The following LETM2 variants were observed in gnomAD, a reference collection of about 807,000 sequenced individuals.
The protein encoded by LETM2 is leucine zipper and EF-hand containing transmembrane protein 2.
LETM2 carries 58 observed loss-of-function variants against 59.6 expected under a neutral mutation model. The observed-to-expected ratio is 0.97, with a 90% CI of 0.79 to 1.21. LETM2 has a LOEUF of 1.21. LETM2 is among the 50% of genes most tolerant of loss of function. The pLI is 0.00. For synonymous variants in LETM2, 199 were observed against 214.1 expected, an observed-to-expected ratio of 0.93 and a Z score of 0.62; for missense variants, 572 against 575.7, an observed-to-expected ratio of 0.99 and a Z score of 0.07.
At chr8:38,391,879 A>G (rs1173476455) in intron 2 of LETM2, among the ~76,000 whole-genome samples, 2 of 151,624 alleles carry the variant, frequency 1.3e-5, no homozygotes, top group Non-Finnish European at 2.9e-5. Flanking sequence ...TTTAGTAGAG[A>G]CAGGGTTTCA....
intron 4 of LETM2, among the ~76,000 whole-genome samples, chr8:38,396,682 A>G (rs576235793): frequency 3.6e-4 from 54 of 152,078 alleles, no homozygotes; most frequent in African/African-American, 1.3e-3. Context: ...AGGTGGGAGG[A>G]TTGTTTAAGC....
chr8:38,398,684 GGATATGGATGAAT>G (rs1260133141), intron 4 of LETM2, among the ~76,000 whole-genome samples: 1 of 151,400 alleles, frequency 6.6e-6, no homozygotes, highest in Non-Finnish European at 1.5e-5. Flanking sequence ...ATGGATGGAA[GGATATGGATGAAT>G]GAAATGGATG....
rs1421523011 is a variant in LETM2 at position 38,395,493 on chromosome 8, G to A, written c.645+1252G>A. On this transcript the variant is annotated intron_variant, in intron 4 of 10. Transcript: ENST00000379957. ...TTTACCATTTGTGTATCTTCTCTGG[G>A]GAGGTGTCTGTTTAGATCTTTGGTT... 2.6e-5 allele frequency among the ~76,000 whole-genome samples: 4 copies of A among 152,182 alleles called. No homozygotes were observed. In the East Asian group the frequency reaches 5.8e-4, roughly 22 times the overall value.
upstream of LETM2, among the ~76,000 whole-genome samples, chr8:38,385,109 T>G (rs1050508072): frequency 1.1e-4 from 17 of 152,238 alleles, no homozygotes; most frequent in African/African-American, 3.9e-4. Flanking sequence ...AGTGAAACCT[T>G]TATGTGCAAA....
Position 38,408,367 on chromosome 8 carries a change from C to G in LETM2, c.*93C>G, listed in dbSNP as rs925773710. ...CCTCCCAGATAAGACTGTCTGGCTT[C>G]AGAGAGCGGATCAGCTGTTTAGCCC... is the stretch of plus-strand genomic sequence containing the variant. On this transcript the variant is annotated 3_prime_UTR_variant, in exon 11 of 11. Coordinates refer to ENST00000379957, the MANE Select transcript of LETM2 (RefSeq NM_001286819.2). The G allele has an allele frequency of 1.8e-6, 2 of 1,110,424 alleles. No individual in the cohort carries two copies. The highest frequency in any genetic ancestry group is 3.1e-5 in the African/African-American group (2 of 64,740). 68.8% of individuals were successfully genotyped at this position (1,110,424 alleles called of 1,614,324 possible). A position where few individuals can be genotyped will look rare whatever the true frequency, so the allele number is the denominator to read the frequency against.
rs746751298 is a variant in LETM2, at chr8:38,387,974, A to G, written c.-10A>G. ...GGTCCCTATGTTAACTACTTGAGAC[A>G]AAAATAAATATGGCCTTCTACAGTT... is the stretch of plus-strand genomic sequence containing the variant. On this transcript the variant is annotated 5_prime_UTR_variant, in exon 2 of 11. Transcript: ENST00000379957. 6.6e-6 allele frequency: 10 copies of G among 1,522,470 alleles called. No homozygotes were observed. The highest frequency in any genetic ancestry group is 8.8e-6 in the Non-Finnish European group (10 of 1,135,550). The allele number at this position is 1,522,470 out of a possible 1,614,324, so 94.3% of individuals were successfully genotyped here. A position where few individuals can be genotyped will look rare whatever the true frequency, so the allele number is the denominator to read the frequency against.
chr8:38,385,825 T>C (rs750664627), upstream of LETM2, among the ~76,000 whole-genome samples: 6 of 152,256 alleles, frequency 3.9e-5, no homozygotes, highest in Non-Finnish European at 5.9e-5. Flanking sequence ...TCCTAGGAAC[T>C]GAAGTGCCCT....
Position 38,392,953 on chromosome 8 carries a change from G to T in LETM2, c.459G>T (p.Arg153Ser). 1 of 1,610,400 alleles carries T rather than the reference G, an allele frequency of 6.2e-7. No individual in the cohort carries two copies. ...DAKVAARMVW[R>S]LLHGQVLTRR... ...AAGTTGCTGCCAGAATGGTTTGGAGGCTGTTGCATGGACAGGTCCTGACCA... is the reference window on the plus strand; with the variant it reads ...AAGTTGCTGCCAGAATGGTTTGGAGTCTGTTGCATGGACAGGTCCTGACCA... Residue 153 changes from arginine to serine, a missense_variant, in exon 3 of 11, where the codon AGG becomes AGT. Arg to Ser is a moderately radical substitution (Grantham distance 110). Transcript: ENST00000379957.
Position 38,394,146 on chromosome 8 carries a change from T to A in LETM2, c.550T>A (p.Phe184Ile). ...CTTCCGCCTGGTTCCATTTATGGTG[T>A]TCTTAATTGTACCCTTCATGGAATT... ...DFFRLVPFMV[F>I]LIVPFMEFLL... The change falls in exon 4 of 11, where the codon TTC (phenylalanine) becomes ATC (isoleucine). Residue 184 changes from phenylalanine (F) to isoleucine (I), a missense_variant. Coordinates refer to ENST00000379957, the MANE Select transcript of LETM2 (RefSeq NM_001286819.2). 1 of 1,513,082 alleles carries A rather than the reference T, an allele frequency of 6.6e-7. No homozygotes were observed. Among genetic ancestry groups the A allele is most frequent in the Non-Finnish European group, 8.8e-7 (1 of 1,136,836 alleles). 93.7% of individuals were successfully genotyped at this position (1,513,082 alleles called of 1,614,324 possible).
rs992359878 is a variant in LETM2 at position 38,409,397 on chromosome 8, C to G, written c.*1123C>G. 7 of 152,208 alleles carry G rather than the reference C, an allele frequency of 4.6e-5. No homozygotes were observed. The highest frequency in any genetic ancestry group is 7.2e-5 in the African/African-American group (3 of 41,454). 9.4% of individuals were successfully genotyped at this position (152,208 alleles called of 1,614,324 possible). On this transcript the variant is annotated 3_prime_UTR_variant, in exon 11 of 11. Coordinates refer to ENST00000379957, the MANE Select transcript of LETM2 (RefSeq NM_001286819.2). Reference sequence around the variant, plus strand: ...AATGCTTTCTAAATTTGTGCTCCATCAGAGAAGCCCCACCATGTCCCACTA... The same window carrying G: ...AATGCTTTCTAAATTTGTGCTCCATGAGAGAAGCCCCACCATGTCCCACTA...
chr8:38,408,150 T>C (rs1813883233), intron 10 of LETM2, 62 bp from the exon 11 acceptor site: 1 of 1,261,332 alleles, frequency 7.9e-7, no homozygotes, highest in Non-Finnish European at 1.1e-6. Context: ...AAAATAGCAT[T>C]CACTCCTTAA....
Position 38,392,876 on chromosome 8 carries a change from G to A in LETM2, c.382G>A (p.Asp128Asn). Residue 128 changes from aspartate (D) to asparagine (N), a missense_variant, in exon 3 of 11, where the codon GAT becomes AAT. Coordinates refer to ENST00000379957, the MANE Select transcript of LETM2 (RefSeq NM_001286819.2). ...ACAATCTTATAGACAAAAAATCATGGATGAACTAAAATATTATTACAATGG... is the reference window on the plus strand; with the variant it reads ...ACAATCTTATAGACAAAAAATCATGAATGAACTAAAATATTATTACAATGG... ...GKQSYRQKIM[D>N]ELKYYYNGFY... 2 of 1,614,108 alleles carry A rather than the reference G, an allele frequency of 1.2e-6. No homozygotes were observed. Among genetic ancestry groups the A allele is most frequent in the Non-Finnish European group, 1.7e-6 (2 of 1,180,036 alleles).
chr8:38,398,873 C>A (rs940464036), intron 4 of LETM2, among the ~76,000 whole-genome samples: 1 of 152,044 alleles, frequency 6.6e-6, no homozygotes. Flanking sequence ...GCATGTGCCA[C>A]CACGCCCGGC....
intron 3 of LETM2, 89 bp downstream of exon 3, chr8:38,393,084 T>C: frequency 8.7e-7 from 1 of 1,155,814 alleles, no homozygotes; most frequent in South Asian, 1.5e-5. Context: ...GTAAACTTCA[T>C]CTTAAAAATC....
intron 3 of LETM2, 131 bp downstream of exon 3, chr8:38,393,126 C>A: frequency 1.3e-6 from 1 of 763,944 alleles, no homozygotes; most frequent in Non-Finnish European, 2.1e-6. Context: ...CTGGTGAGAA[C>A]CAGTTTCTTG....
intron 3 of LETM2, chr8:38,393,740 T>G: frequency 5.4e-6 from 1 of 184,820 alleles, no homozygotes; most frequent in South Asian, 1.9e-4. Flanking sequence ...AATAATATTT[T>G]TATTGTCATA....
chr8:38,408,169 A>C, intron 10 of LETM2, 43 bp from the exon 11 acceptor site: 1 of 1,514,868 alleles, frequency 6.6e-7, no homozygotes, highest in Non-Finnish European at 9.1e-7. Context: ...AAGAACTTAC[A>C]CGTCTGTGAC....
At position 38,401,068 on chromosome 8, in the gene LETM2, A is replaced by G. The variant is rs758171860; in HGVS notation, c.984+15A>G. 7 of 1,594,494 alleles carry G rather than the reference A, an allele frequency of 4.4e-6. No homozygotes were observed. Among genetic ancestry groups the G allele is most frequent in the Non-Finnish European group, 6.0e-6 (7 of 1,163,218 alleles). On this transcript the variant is annotated intron_variant, in intron 6 of 10. Coordinates refer to ENST00000379957, the MANE Select transcript of LETM2 (RefSeq NM_001286819.2). ...CAGATGATGAAGTAAGAGCTTAACC[A>G]TAGCTCTAGGGAATTAGCAAGGTTT... is the stretch of plus-strand genomic sequence containing the variant.
At chr8:38,406,914 G>A in intron 8 of LETM2, 32 bp from the exon 9 acceptor site, 2 of 1,443,462 alleles carry the variant, frequency 1.4e-6, no homozygotes, top group African/African-American at 1.4e-5. Context: ...AGAGCAGAAA[G>A]CTTATGATAC....
Sources: gnomAD v4.1 joint callset for allele counts (sites outside exome capture counted in the v4.1 genomes callset) on GRCh38, gnomAD v4.1.1 for gene constraint, MANE v1.5 for transcripts, NCBI Gene and HGNC (gene_info 2026-07-23, HGNC 2026-07-21) for gene names.